Variants in EPHA6 observed in about 807,000 individuals in gnomAD.
EPHA6 encodes the protein EPH receptor A6.
In EPHA6, 50 loss-of-function variants were observed where a neutral mutation model predicts 112.0. The ratio of observed to expected loss-of-function variants is 0.45; its 90% CI spans 0.36 to 0.56. EPHA6 has a LOEUF of 0.56. Among genes scored for constraint, EPHA6 ranks in the 20% least tolerant of loss-of-function variants. EPHA6 has a pLI of 0.00. For missense variants in EPHA6, 1,280 were observed against 1,417.4 expected (o/e 0.90, Z 1.56); for synonymous variants, 529 against 490.7 (o/e 1.08, Z -1.03).
At chr3:97,193,479 T>C (rs1339522239) in intron 3 of EPHA6, among the ~76,000 whole-genome samples, 1 of 152,160 alleles carries the variant, frequency 6.6e-6, no homozygotes, top group Non-Finnish European at 1.5e-5. Flanking sequence ...GATTTTTGTA[T>C]GTTGACTATG....
chr3:97,598,003 A>G (rs1255834231), intron 12 of EPHA6, among the ~76,000 whole-genome samples: 2 of 152,232 alleles, frequency 1.3e-5, no homozygotes, highest in Non-Finnish European at 2.9e-5. Flanking sequence ...CAATATGCCA[A>G]GGAAAGTCAA....
At chr3:97,386,673 G>T (rs1237827866) in intron 5 of EPHA6, among the ~76,000 whole-genome samples, 1 of 152,184 alleles carries the variant, frequency 6.6e-6, no homozygotes, top group African/African-American at 2.4e-5. Flanking sequence ...CTCTTCTGGG[G>T]TCTGGAGGAT....
At chr3:96,941,802 G>A (rs2040966127) in intron 2 of EPHA6, among the ~76,000 whole-genome samples, 1 of 152,184 alleles carries the variant, frequency 6.6e-6, no homozygotes, top group Non-Finnish European at 1.5e-5. Flanking sequence ...CTGTTTGTTA[G>A]TTTTCCTTCC....
At chr3:97,571,373 T>TA (rs74488218) in intron 11 of EPHA6, among the ~76,000 whole-genome samples, 156 of 142,270 alleles carry the variant, frequency 1.1e-3, no homozygotes, top group South Asian at 2.3e-3. Context: ...AAACCCTCCT[T>TA]AAAAAAAAAA....
intron 2 of EPHA6, among the ~76,000 whole-genome samples, chr3:96,887,617 A>G (rs2037706666): frequency 6.6e-6 from 1 of 152,168 alleles, no homozygotes; most frequent in Admixed American, 6.5e-5. Flanking sequence ...CTGTGGTGGT[A>G]TCAGGAGGAA....
chr3:96,956,250 C>T (rs2041753993), intron 2 of EPHA6, among the ~76,000 whole-genome samples: 3 of 152,188 alleles, frequency 2.0e-5, no homozygotes, highest in Admixed American at 1.3e-4. Context: ...ATATTCTCCC[C>T]TCTTCCAGTA....
chr3:97,645,049 G>A (rs1200211492), intron 14 of EPHA6, among the ~76,000 whole-genome samples: 1 of 152,006 alleles, frequency 6.6e-6, no homozygotes, highest in Admixed American at 6.6e-5. Context: ...TAAAATACTG[G>A]CAAAACGAAT....
chr3:96,985,787 A>T (rs2042999378), intron 2 of EPHA6, among the ~76,000 whole-genome samples: 1 of 152,208 alleles, frequency 6.6e-6, no homozygotes, highest in Non-Finnish European at 1.5e-5. Flanking sequence ...GATAATTAAA[A>T]GTACTTTGTG....
At chr3:97,168,410 C>T (rs925149714) in intron 3 of EPHA6, among the ~76,000 whole-genome samples, 3 of 152,028 alleles carry the variant, frequency 2.0e-5, no homozygotes, top group Admixed American at 2.0e-4. Context: ...TGCTGGAGGA[C>T]CATCCCCCTA....
intron 5 of EPHA6, among the ~76,000 whole-genome samples, chr3:97,346,727 G>A (rs79132501): frequency 0.02 from 3,052 of 151,736 alleles, 98 homozygotes; most frequent in African/African-American, 0.069. Context: ...AATGAGGCTG[G>A]AAAATGTAGT....
intron 7 of EPHA6, among the ~76,000 whole-genome samples, chr3:97,456,868 G>A (rs114961711): frequency 0.02 from 3,079 of 152,034 alleles, 101 homozygotes; most frequent in African/African-American, 0.068. Context: ...CTTAAAGAGA[G>A]CAAAAATGTT....
intron 10 of EPHA6, among the ~76,000 whole-genome samples, chr3:97,519,448 G>T (rs1363367750): frequency 6.6e-6 from 1 of 152,128 alleles, no homozygotes; most frequent in Non-Finnish European, 1.5e-5. Context: ...TTTTGCTCAG[G>T]ATTGCTTTGG....
chr3:97,216,378 G>A (rs74907427), intron 3 of EPHA6, among the ~76,000 whole-genome samples: 2,379 of 152,176 alleles, frequency 0.016, 77 homozygotes, highest in African/African-American at 0.054. Context: ...CCATGATCCC[G>A]TCATCTCCCA....
At chr3:97,745,237 CA>C (rs1361523851) in intron 16 of EPHA6, 1 of 285,874 alleles carries the variant, frequency 3.5e-6, no homozygotes, top group East Asian at 1.1e-4. Flanking sequence ...TTTTATTTTA[CA>C]ATATTGATTA....
At chr3:97,378,636 A>C (rs1054224996) in intron 5 of EPHA6, among the ~76,000 whole-genome samples, 1 of 152,152 alleles carries the variant, frequency 6.6e-6, no homozygotes, top group Non-Finnish European at 1.5e-5. Flanking sequence ...ATGGGAACCC[A>C]CCGCTTGCAT....
intron 2 of EPHA6, among the ~76,000 whole-genome samples, chr3:96,874,179 TAGAA>T (rs1386430416): frequency 6.6e-6 from 1 of 152,132 alleles, no homozygotes. Flanking sequence ...ACAGTGTTGT[TAGAA>T]AGACCGATTT....
intron 3 of EPHA6, among the ~76,000 whole-genome samples, chr3:97,071,917 T>C (rs995143790): frequency 3.9e-5 from 6 of 152,062 alleles, no homozygotes; most frequent in Non-Finnish European, 8.8e-5. Flanking sequence ...GTCATTCTTA[T>C]GCCTTTGCAC....
At chr3:97,357,158 A>G (rs992074777) in intron 5 of EPHA6, among the ~76,000 whole-genome samples, 8 of 152,068 alleles carry the variant, frequency 5.3e-5, no homozygotes, top group Admixed American at 1.3e-4. Flanking sequence ...CTTTCAATCT[A>G]TATCTTTGGA....
chr3:97,182,652 C>T (rs1037890509), intron 3 of EPHA6, among the ~76,000 whole-genome samples: 17 of 152,076 alleles, frequency 1.1e-4, no homozygotes, highest in Non-Finnish European at 2.4e-4. Flanking sequence ...TTCAATCAGT[C>T]CTGATGAGTT....
Sources: gnomAD v4.1 joint callset for allele counts (sites outside exome capture counted in the v4.1 genomes callset) on GRCh38, gnomAD v4.1.1 for gene constraint, MANE v1.5 for transcripts, NCBI Gene and HGNC (gene_info 2026-07-23, HGNC 2026-07-21) for gene names.